Variants in CSMD3 observed in about 807,000 individuals in gnomAD.
CSMD3 encodes the protein CUB and Sushi multiple domains 3, also known as CUB and sushi domain-containing protein 3.
CSMD3 carries 177 observed loss-of-function variants against 435.2 expected under a neutral mutation model. That is an observed-to-expected ratio of 0.41 (90% CI 0.36 to 0.46). CSMD3 has a LOEUF of 0.46. Among genes scored for constraint, CSMD3 ranks in the 20% least tolerant of loss-of-function variants. CSMD3 has a pLI of 0.34. For missense variants in CSMD3, 4,265 were observed against 4,504.6 expected (o/e 0.95, Z 1.52); for synonymous variants, 1,656 against 1,520.5 (o/e 1.09, Z -2.07).
chr8:113,305,563 C>T (rs1266421624), intron 2 of CSMD3, among the ~76,000 whole-genome samples: 3 of 152,136 alleles, frequency 2.0e-5, no homozygotes, highest in African/African-American at 4.8e-5. Flanking sequence ...GATCTTTTAA[C>T]CCCAGTTTTA....
intron 36 of CSMD3, among the ~76,000 whole-genome samples, chr8:112,387,069 A>G (rs889055489): frequency 6.6e-6 from 1 of 152,162 alleles, no homozygotes; most frequent in South Asian, 2.1e-4. Context: ...CTTGATGGCT[A>G]TCACTGCTAA....
intron 32 of CSMD3, among the ~76,000 whole-genome samples, chr8:112,414,622 G>A (rs1740133893): frequency 2.0e-5 from 3 of 152,182 alleles, no homozygotes; most frequent in Non-Finnish European, 4.4e-5. Context: ...TGAAAATGTG[G>A]AAGCAACTTT....
intron 22 of CSMD3, among the ~76,000 whole-genome samples, chr8:112,619,037 T>C (rs1318068086): frequency 9.9e-5 from 15 of 152,114 alleles, no homozygotes; most frequent in Admixed American, 8.5e-4. Context: ...GACATTTGAA[T>C]AGTGTCTACC....
chr8:112,451,114 C>T (rs983461990), intron 32 of CSMD3, among the ~76,000 whole-genome samples: 2 of 151,920 alleles, frequency 1.3e-5, no homozygotes, highest in African/African-American at 2.4e-5. Flanking sequence ...AACAAAAATA[C>T]TTAAAATACA....
chr8:112,305,004 C>G, intron 51 of CSMD3, 89 bp from the exon 52 acceptor site: 1 of 925,688 alleles, frequency 1.1e-6, no homozygotes, highest in Non-Finnish European at 1.7e-6. Context: ...ACCTAATTCA[C>G]TTACTCTTGC....
At chr8:113,098,135 T>A (rs2090219664) in intron 5 of CSMD3, among the ~76,000 whole-genome samples, 1 of 152,052 alleles carries the variant, frequency 6.6e-6, no homozygotes, top group Admixed American at 6.6e-5. Context: ...TCACATGGCT[T>A]AAAAGATCCT....
intron 1 of CSMD3, among the ~76,000 whole-genome samples, chr8:113,355,488 G>A (rs910296202): frequency 4.6e-5 from 7 of 151,744 alleles, no homozygotes; most frequent in African/African-American, 1.7e-4. Context: ...ATGGTGGAGA[G>A]AGAGATCACC....
intron 45 of CSMD3, among the ~76,000 whole-genome samples, chr8:112,331,197 G>A (rs899074441): frequency 6.6e-6 from 1 of 151,926 alleles, no homozygotes; most frequent in Non-Finnish European, 1.5e-5. Context: ...AATTTATTTT[G>A]AGTAATTTAT....
At chr8:113,378,215 G>A (rs2094398020) in intron 1 of CSMD3, among the ~76,000 whole-genome samples, 1 of 152,074 alleles carries the variant, frequency 6.6e-6, no homozygotes, top group Non-Finnish European at 1.5e-5. Context: ...TTCTGAATAT[G>A]GTGTAATGTG....
chr8:112,720,354 C>G (rs1323260075), intron 13 of CSMD3, among the ~76,000 whole-genome samples: 1 of 151,594 alleles, frequency 6.6e-6, no homozygotes, highest in African/African-American at 2.4e-5. Context: ...TCAACTGATC[C>G]TTGACTGACA....
intron 13 of CSMD3, among the ~76,000 whole-genome samples, chr8:112,774,412 A>G (rs1373067657): frequency 2.6e-5 from 4 of 152,134 alleles, no homozygotes; most frequent in Non-Finnish European, 4.4e-5. Flanking sequence ...TCCGTACTTT[A>G]TTCCCAGGTT....
At chr8:112,233,110 A>G (rs117154321) in intron 68 of CSMD3, among the ~76,000 whole-genome samples, 135 of 152,314 alleles carry the variant, frequency 8.9e-4, no homozygotes, top group Admixed American at 3.9e-3. Context: ...ATGTAATTTG[A>G]TCTTATAAGT....
At position 112,314,394 on chromosome 8, in the gene CSMD3, T is replaced by C. The variant is rs1337816989; in HGVS notation, c.7549+35A>G. 8 of 1,397,060 alleles carry C rather than the reference T, an allele frequency of 5.7e-6. No homozygotes were observed. The African/African-American group carries it at 8.5e-5, about 15-fold the overall frequency. 86.5% of individuals were successfully genotyped at this position (1,397,060 alleles called of 1,614,324 possible). On this transcript the variant is annotated intron_variant, in intron 48 of 70. Transcript: ENST00000297405. Reference sequence around the variant, plus strand: ...GTATAATTAGAACATTTGTACTTAATTGATGAATATCCAATAAATATAACC... The same window carrying C: ...GTATAATTAGAACATTTGTACTTAACTGATGAATATCCAATAAATATAACC...
chr8:113,201,079 T>C (rs371888786), intron 3 of CSMD3, among the ~76,000 whole-genome samples: 1 of 151,908 alleles, frequency 6.6e-6, no homozygotes, highest in Admixed American at 6.6e-5. Context: ...ATGTGAAAGA[T>C]CTCCTTGTAT....
intron 10 of CSMD3, among the ~76,000 whole-genome samples, chr8:112,909,886 G>A (rs2082360170): frequency 6.6e-6 from 1 of 151,908 alleles, no homozygotes; most frequent in East Asian, 2.0e-4. Flanking sequence ...CCGGTTAGAA[G>A]AGGAAATCAT....
At chr8:113,400,950 C>A in intron 1 of CSMD3, among the ~76,000 whole-genome samples, 1 of 151,718 alleles carries the variant, frequency 6.6e-6, no homozygotes, top group East Asian at 1.9e-4. Flanking sequence ...TAAAAGGTAA[C>A]AAATGTTAAC....
At chr8:112,908,500 T>C (rs910541381) in intron 10 of CSMD3, among the ~76,000 whole-genome samples, 10 of 151,568 alleles carry the variant, frequency 6.6e-5, no homozygotes, top group African/African-American at 2.2e-4. Context: ...CTGGCAATGT[T>C]CACTATTGTC....
At chr8:112,535,095 C>T (rs1382430046) in intron 27 of CSMD3, among the ~76,000 whole-genome samples, 2 of 152,084 alleles carry the variant, frequency 1.3e-5, no homozygotes, top group East Asian at 1.9e-4. Flanking sequence ...GAAGCATTCC[C>T]TTTGAAAACT....
chr8:112,641,903 A>G (rs1281859324), intron 20 of CSMD3, among the ~76,000 whole-genome samples: 1 of 152,096 alleles, frequency 6.6e-6, no homozygotes, highest in Admixed American at 6.6e-5. Context: ...AATGACTTTC[A>G]AAAGTGAGAA....
Sources: allele counts gnomAD v4.1 joint callset (sites outside exome capture counted in the v4.1 genomes callset), GRCh38; gene constraint gnomAD v4.1.1; transcripts MANE v1.5; gene names NCBI Gene and HGNC (gene_info 2026-07-23, HGNC 2026-07-21).